Variants in CSNK2A2IP observed in about 807,000 individuals in gnomAD.
The protein encoded by CSNK2A2IP is casein kinase 2 subunit alpha' interacting protein.
the CSNK2A2IP span, among the ~76,000 whole-genome samples, chr3:88,352,204 C>T: frequency 6.6e-6 from 1 of 151,940 alleles, no homozygotes; most frequent in Non-Finnish European, 1.5e-5. Flanking sequence ...TTCATGTTAA[C>T]TCTCTCTCTC....
At chr3:88,382,904 C>T in the CSNK2A2IP span, 68,616 of 151,976 alleles carry the variant, frequency 0.45, 16,473 homozygotes, top group South Asian at 0.61. Flanking sequence ...TAGCTCTGAG[C>T]TTCAATTTTC....
At chr3:88,440,599 A>G in the CSNK2A2IP span, among the ~76,000 whole-genome samples, 2 of 152,202 alleles carry the variant, frequency 1.3e-5, no homozygotes, top group Admixed American at 1.3e-4. Context: ...TTTTTGGATA[A>G]TCAACTTTAA....
At chr3:88,418,963 AC>A in the CSNK2A2IP span, among the ~76,000 whole-genome samples, 48 of 152,218 alleles carry the variant, frequency 3.2e-4, no homozygotes, top group African/African-American at 1.1e-3. Flanking sequence ...TTTAGATTCT[AC>A]TAGCAGTGCC....
the CSNK2A2IP span, among the ~76,000 whole-genome samples, chr3:88,348,047 T>C: frequency 6.6e-6 from 1 of 152,040 alleles, no homozygotes; most frequent in Non-Finnish European, 1.5e-5. Context: ...GGTTTCCTTA[T>C]CTAATTACAG....
the CSNK2A2IP span, among the ~76,000 whole-genome samples, chr3:88,347,792 G>T: frequency 6.6e-6 from 1 of 151,902 alleles, no homozygotes; most frequent in Non-Finnish European, 1.5e-5. Context: ...TTACTGTTTT[G>T]TATATCTTCT....
the CSNK2A2IP span, among the ~76,000 whole-genome samples, chr3:88,389,987 C>T: frequency 6.6e-6 from 1 of 151,920 alleles, no homozygotes. Flanking sequence ...AAACAAGTAC[C>T]CTCACAATGG....
chr3:88,344,678 T>G, the CSNK2A2IP span, among the ~76,000 whole-genome samples: 1 of 152,052 alleles, frequency 6.6e-6, no homozygotes, highest in South Asian at 2.1e-4. Flanking sequence ...ATTGGAAAGA[T>G]CTCTGTTTAG....
the CSNK2A2IP span, among the ~76,000 whole-genome samples, chr3:88,435,776 C>A: frequency 6.9e-6 from 1 of 144,360 alleles, no homozygotes; most frequent in Non-Finnish European, 1.5e-5. Context: ...TTTCTCTTAG[C>A]TAAATAAGAA....
the CSNK2A2IP span, among the ~76,000 whole-genome samples, chr3:88,386,822 G>T: frequency 2.0e-5 from 3 of 152,160 alleles, no homozygotes; most frequent in African/African-American, 7.2e-5. Context: ...GCTGATATGG[G>T]GAAGAAGAAA....
the CSNK2A2IP span, among the ~76,000 whole-genome samples, chr3:88,351,319 T>C: frequency 6.6e-6 from 1 of 152,140 alleles, no homozygotes; most frequent in Non-Finnish European, 1.5e-5. Context: ...TACAAATGAA[T>C]GACAGCTTGT....
chr3:88,386,466 G>A, the CSNK2A2IP span, among the ~76,000 whole-genome samples: 1 of 152,224 alleles, frequency 6.6e-6, no homozygotes, highest in Non-Finnish European at 1.5e-5. Context: ...GGAGAAAGCA[G>A]ATGATTTGGT....
chr3:88,434,703 G>T, the CSNK2A2IP span, among the ~76,000 whole-genome samples: 1 of 152,242 alleles, frequency 6.6e-6, no homozygotes, highest in Middle Eastern at 3.4e-3. Flanking sequence ...TACTTTAACA[G>T]TTATTTCAAG....
At chr3:88,368,634 T>A in the CSNK2A2IP span, among the ~76,000 whole-genome samples, 1 of 152,068 alleles carries the variant, frequency 6.6e-6, no homozygotes, top group Non-Finnish European at 1.5e-5. Context: ...ATTAGGATAC[T>A]TTTTCACTCA....
At chr3:88,399,779 A>G in the CSNK2A2IP span, 2 of 152,216 alleles carry the variant, frequency 1.3e-5, no homozygotes, top group Non-Finnish European at 2.9e-5. Flanking sequence ...CTGCCCCTAA[A>G]TGAGGTTTCC....
the CSNK2A2IP span, among the ~76,000 whole-genome samples, chr3:88,433,094 A>G: frequency 3.9e-5 from 6 of 152,052 alleles, no homozygotes; most frequent in Admixed American, 3.9e-4. Flanking sequence ...GTAGACCTTC[A>G]TAAGAATTGA....
chr3:88,445,084 G>A, the CSNK2A2IP span, among the ~76,000 whole-genome samples: 5 of 151,924 alleles, frequency 3.3e-5, no homozygotes, highest in African/African-American at 4.8e-5. Context: ...CCGAGATGCT[G>A]TTAAATTGTG....
chr3:88,375,948 G>T, the CSNK2A2IP span, among the ~76,000 whole-genome samples: 1 of 151,598 alleles, frequency 6.6e-6, no homozygotes, highest in Non-Finnish European at 1.5e-5. Context: ...TTTCTGGGGA[G>T]TTCCTTCCGC....
chr3:88,360,140 T>G, the CSNK2A2IP span, among the ~76,000 whole-genome samples: 1 of 51,260 alleles, frequency 2.0e-5, no homozygotes, highest in Non-Finnish European at 7.6e-5. Context: ...AGTTTTTGTC[T>G]TTTTTTTTTT....
At chr3:88,342,989 A>G in the CSNK2A2IP span, among the ~76,000 whole-genome samples, 1 of 152,012 alleles carries the variant, frequency 6.6e-6, no homozygotes, top group African/African-American at 2.4e-5. Context: ...TTACACTTAA[A>G]TAGCCACCTA....
Sources: gnomAD v4.1 joint callset for allele counts (sites outside exome capture counted in the v4.1 genomes callset) on GRCh38, gnomAD v4.1.1 for gene constraint, MANE v1.5 for transcripts, NCBI Gene and HGNC (gene_info 2026-07-23, HGNC 2026-07-21) for gene names.